ARID1B: variants seen among roughly 807,000 people sequenced by gnomAD.
The protein encoded by ARID1B is AT-rich interaction domain 1B, also known as AT-rich interactive domain-containing protein 1B.
ARID1B carries 30 observed loss-of-function variants against 212.3 expected under a neutral mutation model. That is an observed-to-expected ratio of 0.14 (90% confidence interval 0.11 to 0.19). The LOEUF is 0.19. Ranked by LOEUF, ARID1B falls within the 10% of genes least tolerant of loss-of-function variation. ARID1B has a pLI of 1.00. For synonymous variants in ARID1B, 1,402 were observed against 1,301.7 expected, an observed-to-expected ratio of 1.08 and a Z score of -1.66; for missense variants, 2,891 against 3,204.0, an observed-to-expected ratio of 0.90 and a Z score of 2.36.
intron 4 of ARID1B, among the ~76,000 whole-genome samples, chr6:157,013,573 C>T (rs931816371): frequency 2.6e-5 from 4 of 152,226 alleles, no homozygotes; most frequent in East Asian, 1.9e-4. Context: ...GGATCTGTCA[C>T]GAGCCAAGTA....
intron 11 of ARID1B, among the ~76,000 whole-genome samples, chr6:157,178,455 AAAAGT>A (rs994275087): frequency 2.6e-5 from 4 of 152,140 alleles, no homozygotes; most frequent in African/African-American, 9.7e-5. Flanking sequence ...GCTGCAAAGG[AAAAGT>A]AAAGCGTGTG....
At chr6:157,120,235 T>G (rs1787615267) in intron 6 of ARID1B, among the ~76,000 whole-genome samples, 1 of 152,198 alleles carries the variant, frequency 6.6e-6, no homozygotes, top group Non-Finnish European at 1.5e-5. Context: ...CCATCTGTCA[T>G]CTGGGTGCTC....
At chr6:156,843,728 C>T (rs1784051686) in intron 2 of ARID1B, among the ~76,000 whole-genome samples, 1 of 152,132 alleles carries the variant, frequency 6.6e-6, no homozygotes, top group African/African-American at 2.4e-5. Flanking sequence ...CTATCCATAG[C>T]TATTGTTTTG....
intron 4 of ARID1B, among the ~76,000 whole-genome samples, chr6:156,972,939 T>C (rs950436518): frequency 8.5e-5 from 13 of 152,260 alleles, no homozygotes; most frequent in Non-Finnish European, 1.8e-4. Flanking sequence ...AGTGATACTT[T>C]GGTTGGTATC....
chr6:157,174,958 A>G lies in ARID1B; in HGVS notation c.3457A>G (p.Ser1153Gly), dbSNP rs754998837. Residue 1153 changes from serine to glycine, a missense_variant, in exon 11 of 20, where the codon AGT becomes GGT. Physicochemically the swap from Ser to Gly is moderately conservative, Grantham distance 56 (BLOSUM62 0). Around this residue, in one of 7 missense-constraint regions of ARID1B, gnomAD observed 666 missense variants for 873.5 expected, o/e 0.76. Coordinates refer to ENST00000636930, the MANE Select transcript of ARID1B (RefSeq NM_001374828.1). ...ASISSFHGDESDSISSPGWPK... is the reference protein window; with the variant it reads ...ASISSFHGDEGDSISSPGWPK... ...CATCTCCTCATTTCATGGAGATGAAAGTGATAGCATTAGCAGCCCAGGCTG... is the reference window on the plus strand; with the variant it reads ...CATCTCCTCATTTCATGGAGATGAAGGTGATAGCATTAGCAGCCCAGGCTG... The G allele has an allele frequency of 6.5e-7, 1 of 1,532,244 alleles. No homozygotes were observed. Among genetic ancestry groups the G allele is most frequent in the South Asian group, 1.3e-5 (1 of 78,904 alleles). 94.9% of individuals were successfully genotyped at this position (1,532,244 alleles called of 1,614,324 possible).
At chr6:157,111,897 G>A (rs1323589389) in intron 6 of ARID1B, among the ~76,000 whole-genome samples, 1 of 152,088 alleles carries the variant, frequency 6.6e-6, no homozygotes, top group Non-Finnish European at 1.5e-5. Flanking sequence ...GAGATTCCTG[G>A]GCCCCACCCC....
intron 12 of ARID1B, among the ~76,000 whole-genome samples, chr6:157,183,634 C>T (rs998190007): frequency 2.0e-5 from 3 of 152,214 alleles, no homozygotes; most frequent in Non-Finnish European, 4.4e-5. Context: ...CCCTTTAAGC[C>T]TCCTTGAGTA....
At position 156,813,727 on chromosome 6, in the gene ARID1B, A is replaced by G. The variant is rs1781772324; in HGVS notation, c.1792-15500A>G. ...AAATGATTCCAGTTTGTGTCACTTA[A>G]GGAGTGACCCTAGACATATATTAGG... On this transcript the variant is annotated intron_variant, in intron 1 of 19. Transcript: ENST00000636930. 2.0e-5 allele frequency among the ~76,000 whole-genome samples: 3 copies of G among 152,232 alleles called. No homozygotes were observed. The South Asian group carries it at 6.2e-4, about 32-fold the overall frequency.
chr6:156,830,759 A>T (rs1162460317), intron 2 of ARID1B, among the ~76,000 whole-genome samples: 1 of 152,174 alleles, frequency 6.6e-6, no homozygotes, highest in African/African-American at 2.4e-5. Context: ...GAGACCCTAA[A>T]AAAAAAAGAA....
chr6:156,792,178 A>G (rs1176457206), intron 1 of ARID1B, among the ~76,000 whole-genome samples: 1 of 152,162 alleles, frequency 6.6e-6, no homozygotes, highest in South Asian at 2.1e-4. Flanking sequence ...CTAAACCTAC[A>G]TTTCTTTATT....
chr6:157,079,893 A>C (rs1398335020), intron 4 of ARID1B, among the ~76,000 whole-genome samples: 1 of 152,218 alleles, frequency 6.6e-6, no homozygotes, highest in Non-Finnish European at 1.5e-5. Flanking sequence ...ATTTCATTTT[A>C]ATATTCTAAA....
At chr6:157,075,907 G>A (rs544311497) in intron 4 of ARID1B, among the ~76,000 whole-genome samples, 18 of 152,316 alleles carry the variant, frequency 1.2e-4, no homozygotes, top group East Asian at 3.9e-4. Flanking sequence ...GAGACACGGC[G>A]AGTCATTGTA....
chr6:156,831,351 G>T (rs748719216), intron 2 of ARID1B, among the ~76,000 whole-genome samples: 3 of 152,230 alleles, frequency 2.0e-5, no homozygotes, highest in African/African-American at 7.2e-5. Flanking sequence ...AGAAGTGGAT[G>T]CTCGCTGCTC....
chr6:156,857,318 G>A (rs1785020674), intron 2 of ARID1B, among the ~76,000 whole-genome samples: 1 of 152,152 alleles, frequency 6.6e-6, no homozygotes, highest in Non-Finnish European at 1.5e-5. Context: ...GAGTGTCAGT[G>A]CCCTGGTCCC....
Position 157,190,266 on chromosome 6 carries a change from C to A in ARID1B, c.4231+56C>A. 6.5e-7 allele frequency: 1 copy of A among 1,540,436 alleles called. No homozygotes were observed. Among genetic ancestry groups the A allele is most frequent in the South Asian group, 1.2e-5 (1 of 81,318 alleles). On this transcript the variant is annotated intron_variant, in intron 15 of 19. Coordinates refer to ENST00000636930, the MANE Select transcript of ARID1B (RefSeq NM_001374828.1). This position sits in a 1 kb window ranked among gnomAD's most constrained non-coding sequence, Gnocchi z 4.6. ...GGACCAGTGGGCATTCTACTCTCTG[C>A]CGTTCCACAACAGTTCACCTTTCAC...
chr6:156,777,842 G>C lies in ARID1B; in HGVS notation c.162G>C (p.Pro54=). 8 of 1,208,500 alleles carry C rather than the reference G, an allele frequency of 6.6e-6. No homozygotes were observed. Among genetic ancestry groups the C allele is most frequent in the Non-Finnish European group, 8.2e-6 (8 of 971,404 alleles). The allele number at this position is 1,208,500 out of a possible 1,614,324, so 74.9% of individuals were successfully genotyped here. The change falls in exon 1 of 20, where the codon CCG becomes CCC. Residue 54 remains proline (P), a synonymous_variant. Transcript: ENST00000636930. ...GCGCGGCGGCGGCGGCGGCGGCACC[G>C]GGACCCATGCTGGGGGGCGGCGGCG... The part of the protein sequence containing the change: ...ARGAAAAAAA[P]GPMLGGGGDG...
intron 3 of ARID1B, among the ~76,000 whole-genome samples, chr6:156,914,118 C>A (rs571959111): frequency 6.7e-6 from 1 of 149,756 alleles, no homozygotes; most frequent in East Asian, 2.0e-4. Flanking sequence ...CCCATGGTGC[C>A]CCCTTTCCAC....
At chr6:156,864,133 T>C (rs1264192819) in intron 2 of ARID1B, among the ~76,000 whole-genome samples, 1 of 152,220 alleles carries the variant, frequency 6.6e-6, no homozygotes, top group East Asian at 1.9e-4. Flanking sequence ...AGAACTAGTT[T>C]TATATTTTCT....
chr6:157,205,956 A>G, intron 19 of ARID1B: 1 of 604,260 alleles, frequency 1.7e-6, no homozygotes, highest in Non-Finnish European at 2.9e-6. Flanking sequence ...GGAACATGCT[A>G]AACATCGGTT....
Sources: allele counts gnomAD v4.1 joint callset (sites outside exome capture counted in the v4.1 genomes callset), GRCh38; gene constraint gnomAD v4.1.1; regional missense constraint gnomAD v4.1.1; non-coding constraint Gnocchi (gnomAD v3.1); transcripts MANE v1.5; gene names NCBI Gene and HGNC (gene_info 2026-07-23, HGNC 2026-07-21).